Variants in DIAPH2 observed in about 807,000 individuals in gnomAD.
DIAPH2 encodes the protein protein diaphanous homolog 2.
Under a neutral mutation model 92.7 loss-of-function variants are expected in DIAPH2, and 35 were observed. That is an observed-to-expected ratio of 0.38 (90% CI 0.29 to 0.50). The LOEUF is 0.50. DIAPH2 is among the 20% of genes least tolerant of loss of function. DIAPH2 has a pLI of 0.94. For missense variants in DIAPH2, 701 were observed against 819.5 expected, an observed-to-expected ratio of 0.86 and a Z score of 1.77; for synonymous variants, 301 against 280.4, an observed-to-expected ratio of 1.07 and a Z score of -0.73.
At chrX:97,312,707 T>C (rs911125696) in intron 23 of DIAPH2, among the ~76,000 whole-genome samples, 2 of 110,953 alleles carry the variant, frequency 1.8e-5, no homozygotes, top group Non-Finnish European at 1.9e-5. Context: ...GGATAGAAGT[T>C]TACTAAAATT....
At chrX:97,495,135 G>T (rs1033083212) in intron 26 of DIAPH2, among the ~76,000 whole-genome samples, 1 of 112,128 alleles carries the variant, frequency 8.9e-6, no homozygotes, top group East Asian at 2.8e-4. Context: ...GCTGAGCTGT[G>T]ATGGCTTGGG....
chrX:97,342,361 T>C (rs1028541612), intron 23 of DIAPH2, among the ~76,000 whole-genome samples: 16 of 112,062 alleles, frequency 1.4e-4, no homozygotes, highest in African/African-American at 5.2e-4. Context: ...TCTTAAGAAC[T>C]GTATAGCTTA....
At chrX:97,429,262 C>T (rs1184059677) in intron 25 of DIAPH2, among the ~76,000 whole-genome samples, 1 of 111,905 alleles carries the variant, frequency 8.9e-6, no homozygotes, top group Non-Finnish European at 1.9e-5. Context: ...TGTGTAACTC[C>T]GCTTCATCAA....
intron 26 of DIAPH2, among the ~76,000 whole-genome samples, chrX:97,594,698 C>A (rs2071539473): frequency 1.8e-5 from 2 of 112,291 alleles, no homozygotes; most frequent in South Asian, 3.7e-4. Flanking sequence ...CAGAGGGTTT[C>A]TTTTACTTTG....
intron 20 of DIAPH2, among the ~76,000 whole-genome samples, chrX:97,105,409 A>G (rs1361478613): frequency 4.5e-5 from 5 of 112,006 alleles, no homozygotes; most frequent in African/African-American, 9.7e-5. Flanking sequence ...TGTATGATCA[A>G]TAATCTTGTT....
chrX:97,007,362 A>C (rs1327910117), intron 17 of DIAPH2, among the ~76,000 whole-genome samples: 2 of 111,062 alleles, frequency 1.8e-5, no homozygotes, highest in Non-Finnish European at 3.8e-5. Flanking sequence ...TGTTGATGAA[A>C]TCCCTTAACT....
At chrX:97,274,056 TAG>T (rs1330141580) in intron 23 of DIAPH2, among the ~76,000 whole-genome samples, 3 of 97,236 alleles carry the variant, frequency 3.1e-5, no homozygotes, top group East Asian at 6.4e-4. Context: ...TGTGTGTGTA[TAG>T]AGAGAGAGAC....
chrX:97,252,675 T>C (rs183848354), intron 23 of DIAPH2, among the ~76,000 whole-genome samples: 247 of 109,140 alleles, frequency 2.3e-3, no homozygotes, highest in Non-Finnish European at 3.3e-3. Context: ...ATTGACAAAA[T>C]AGAAATGAAA....
At chrX:97,266,651 AAC>A (rs1179244699) in intron 23 of DIAPH2, among the ~76,000 whole-genome samples, 4 of 112,457 alleles carry the variant, frequency 3.6e-5, no homozygotes, top group Admixed American at 9.5e-5. Context: ...TTTAGAAAGA[AAC>A]ACAGAGCACA....
chrX:97,569,199 C>T (rs906066008), intron 26 of DIAPH2, among the ~76,000 whole-genome samples: 5 of 111,857 alleles, frequency 4.5e-5, no homozygotes, highest in African/African-American at 9.7e-5. Context: ...TTGACAAAAG[C>T]AATGACAGTG....
chrX:96,798,151 A>C (rs2064554870), intron 4 of DIAPH2, among the ~76,000 whole-genome samples: 1 of 112,433 alleles, frequency 8.9e-6, no homozygotes, highest in African/African-American at 3.2e-5. Context: ...TTCGTTGGTT[A>C]GTAGTTTTCA....
chrX:97,196,666 G>A (rs1331415904), intron 22 of DIAPH2, among the ~76,000 whole-genome samples: 1 of 111,832 alleles, frequency 8.9e-6, no homozygotes, highest in Non-Finnish European at 1.9e-5. Context: ...AATGAGCCAG[G>A]TATCACTGTA....
chrX:96,828,478 TTG>T (rs2064829597), intron 4 of DIAPH2, among the ~76,000 whole-genome samples: 1 of 111,639 alleles, frequency 9.0e-6, no homozygotes, highest in Admixed American at 9.5e-5. Context: ...CCAAATAACT[TTG>T]GGAAATTTTG....
intron 19 of DIAPH2, among the ~76,000 whole-genome samples, chrX:97,084,576 A>G (rs758938132): frequency 8.9e-6 from 1 of 111,747 alleles, no homozygotes; most frequent in African/African-American, 3.2e-5. Context: ...GGAAGTATCC[A>G]GGAGTAGTGT....
chrX:96,868,978 G>A (rs919857350), intron 4 of DIAPH2, among the ~76,000 whole-genome samples: 6 of 111,925 alleles, frequency 5.4e-5, no homozygotes, highest in South Asian at 3.8e-4. Context: ...GCTTTAGTAT[G>A]CATATAGTGG....
At chrX:97,122,997 T>A (rs908151423) in intron 21 of DIAPH2, among the ~76,000 whole-genome samples, 2 of 111,981 alleles carry the variant, frequency 1.8e-5, no homozygotes, top group Admixed American at 1.9e-4. Flanking sequence ...CATAATTCAT[T>A]ACCAGTGGAT....
intron 3 of DIAPH2, among the ~76,000 whole-genome samples, chrX:96,740,962 A>C (rs1169093994): frequency 9.0e-6 from 1 of 110,518 alleles, no homozygotes; most frequent in African/African-American, 3.3e-5. Flanking sequence ...TCTGCTGATG[A>C]CCTTGCTGCT....
At chrX:97,420,311 A>C (rs2069995204) in intron 25 of DIAPH2, among the ~76,000 whole-genome samples, 1 of 111,774 alleles carries the variant, frequency 8.9e-6, no homozygotes, top group Non-Finnish European at 1.9e-5. Context: ...TCACCAATTC[A>C]GTTCCCCTAA....
intron 23 of DIAPH2, among the ~76,000 whole-genome samples, chrX:97,331,784 A>G (rs1384928384): frequency 9.0e-6 from 1 of 111,709 alleles, no homozygotes; most frequent in African/African-American, 3.2e-5. Context: ...CATATGAGAA[A>G]ATTTATATAA....
Sources: gnomAD v4.1 joint callset for allele counts (sites outside exome capture counted in the v4.1 genomes callset) on GRCh38, gnomAD v4.1.1 for gene constraint, MANE v1.5 for transcripts, NCBI Gene and HGNC (gene_info 2026-07-23, HGNC 2026-07-21) for gene names.